TEX14: variants seen among roughly 807,000 people sequenced by gnomAD.
TEX14 encodes the protein inactive serine/threonine-protein kinase TEX14.
TEX14 carries 168 observed loss-of-function variants against 178.6 expected under a neutral mutation model. The observed-to-expected ratio is 0.94, with a 90% CI of 0.83 to 1.07. The LOEUF (loss-of-function observed/expected upper bound fraction) is 1.07, where lower values mean the gene tolerates loss of function less well. TEX14 is among the 50% of genes least tolerant of loss of function. The probability of loss-of-function intolerance (pLI) is 0.00; values close to 1 mark genes in which losing one functional copy is unlikely to be tolerated. For synonymous variants in TEX14, 626 were observed against 634.1 expected (o/e 0.99, Z 0.19); for missense variants, 1,730 against 1,753.6 (o/e 0.99, Z 0.24).
intron 10 of TEX14, among the ~76,000 whole-genome samples, chr17:58,610,893 A>G (rs1293312873): frequency 6.6e-6 from 1 of 152,206 alleles, no homozygotes; most frequent in Non-Finnish European, 1.5e-5. Context: ...CAAAAAAAAA[A>G]AAGCCGCTGA....
chr17:58,684,073 G>T (rs2047550531), intron 1 of TEX14, among the ~76,000 whole-genome samples: 4 of 151,598 alleles, frequency 2.6e-5, no homozygotes. Flanking sequence ...ATATATAAAA[G>T]TATACGATAA....
chr17:58,567,338 C>A (rs1423329567), intron 26 of TEX14, among the ~76,000 whole-genome samples: 1 of 152,136 alleles, frequency 6.6e-6, no homozygotes, highest in Non-Finnish European at 1.5e-5. Context: ...GCATGGTCCT[C>A]TTCTGTGCTG....
intron 1 of TEX14, among the ~76,000 whole-genome samples, chr17:58,678,086 G>A (rs1458090223): frequency 6.6e-6 from 1 of 152,156 alleles, no homozygotes; most frequent in Non-Finnish European, 1.5e-5. Flanking sequence ...GTAGGCAGAG[G>A]TTGCAGTGAG....
At chr17:58,642,010 T>C (rs1269135989) in intron 2 of TEX14, among the ~76,000 whole-genome samples, 1 of 152,238 alleles carries the variant, frequency 6.6e-6, no homozygotes, top group Non-Finnish European at 1.5e-5. Flanking sequence ...TTCAGAAGTC[T>C]AGTCTCCAAT....
chr17:58,659,285 TC>T (rs1341252592), intron 1 of TEX14: 1 of 947,080 alleles, frequency 1.1e-6, no homozygotes, highest in African/African-American at 1.8e-5. Context: ...CAACAGCGTC[TC>T]TCCCCCGCCA....
At chr17:58,628,711 CAA>C (rs551353417) in intron 3 of TEX14, among the ~76,000 whole-genome samples, 13 of 135,486 alleles carry the variant, frequency 9.6e-5, no homozygotes, top group African/African-American at 8.1e-5. Context: ...GACTCTGTCT[CAA>C]AAAAAAAAAA....
chr17:58,585,935 G>A lies in TEX14; in HGVS notation c.2936C>T (p.Thr979Met), dbSNP rs145037399. 1.7e-5 allele frequency: 28 copies of A among 1,613,858 alleles called. No individual in the cohort carries two copies. Among genetic ancestry groups the A allele is most frequent in the African/African-American group, 6.7e-5 (5 of 74,826 alleles). ...ATACTCAATAACTCGCTGCCAATCC[G>A]TGTTTTCTGGGCTCCTAATGGGGGG... ...LQPPIRSPEN[T>M]DWQRVIEYHR... The change falls in exon 18 of 32, where the codon ACG (threonine) becomes ATG (methionine). Residue 979 changes from threonine to methionine, a missense_variant. Physicochemically the swap from Thr to Met is moderately conservative, Grantham distance 81 (BLOSUM62 -1). Around this residue, in one of 2 missense-constraint regions of TEX14, gnomAD observed 941 missense variants for 1,072.4 expected, o/e 0.88. Transcript: ENST00000349033.
chr17:58,611,980 G>A (rs2045755999), intron 9 of TEX14, among the ~76,000 whole-genome samples: 1 of 152,174 alleles, frequency 6.6e-6, no homozygotes, highest in Admixed American at 6.5e-5. Flanking sequence ...GCCCTTCTTG[G>A]GGTCTCCTTA....
chr17:58,581,736 A>C, intron 19 of TEX14: 2 of 1,607,012 alleles, frequency 1.2e-6, no homozygotes. Flanking sequence ...TGATGCTATT[A>C]ATAATGTAGG....
At chr17:58,685,023 A>G (rs2047567072) in intron 1 of TEX14, among the ~76,000 whole-genome samples, 1 of 152,352 alleles carries the variant, frequency 6.6e-6, no homozygotes, top group African/African-American at 2.4e-5. Flanking sequence ...TAAAATTAAA[A>G]ATTAAAAAAG....
At chr17:58,609,944 A>G (rs536954117) in intron 10 of TEX14, among the ~76,000 whole-genome samples, 1 of 152,336 alleles carries the variant, frequency 6.6e-6, no homozygotes, top group South Asian at 2.1e-4. Flanking sequence ...GGTAGGTGGC[A>G]GACAAGGGTA....
intron 11 of TEX14, among the ~76,000 whole-genome samples, chr17:58,603,917 G>C (rs1392517970): frequency 2.7e-5 from 4 of 149,748 alleles, no homozygotes; most frequent in African/African-American, 7.4e-5. Context: ...GTGTGTGTGT[G>C]TGTGTGTGTG....
intron 2 of TEX14, among the ~76,000 whole-genome samples, chr17:58,637,916 C>G (rs995483480): frequency 5.4e-5 from 8 of 148,720 alleles, no homozygotes; most frequent in African/African-American, 2.0e-4. Context: ...GGCTGGAGTG[C>G]AGTGGTGCGA....
intron 2 of TEX14, among the ~76,000 whole-genome samples, chr17:58,637,893 G>C (rs1174302095): frequency 7.5e-6 from 1 of 133,120 alleles, no homozygotes; most frequent in Non-Finnish European, 1.6e-5. Context: ...ATGGAGTCTT[G>C]CTCTGTCACC....
intron 9 of TEX14, 27 bp from the exon 10 acceptor site, chr17:58,611,366 A>AAAAAAG: frequency 8.1e-7 from 1 of 1,240,346 alleles, no homozygotes; most frequent in South Asian, 1.5e-5. Context: ...AAATGCCACG[A>AAAAAAG]AAAAAAAAAG....
intron 8 of TEX14, among the ~76,000 whole-genome samples, chr17:58,614,888 G>A (rs563841600): frequency 2.2e-4 from 34 of 152,334 alleles, no homozygotes; most frequent in African/African-American, 7.9e-4. Flanking sequence ...GCCACATGCC[G>A]TCCTGATGGG....
In TEX14 at chr17:58,569,935, T is replaced by C. The variant is rs954568650; in HGVS notation, c.3817+450A>G. 6.6e-6 allele frequency among the ~76,000 whole-genome samples: 1 copy of C among 152,140 alleles called. No homozygotes were observed. The highest frequency in any genetic ancestry group is 1.5e-5 in the Non-Finnish European group (1 of 68,016). On this transcript the variant is annotated intron_variant, in intron 25 of 31. Transcript: ENST00000349033. This position sits in a 1 kb window ranked among gnomAD's most constrained non-coding sequence, Gnocchi z 4.1. Reference sequence around the variant, plus strand: ...GATCAGAGGTACAGATAAAAATTTATGTATAAAGAGCAAAAATTGGAAAAT... The same window carrying C: ...GATCAGAGGTACAGATAAAAATTTACGTATAAAGAGCAAAAATTGGAAAAT...
chr17:58,575,286 C>G (rs1307853838), intron 21 of TEX14, among the ~76,000 whole-genome samples: 1 of 151,844 alleles, frequency 6.6e-6, no homozygotes, highest in Admixed American at 6.6e-5. Context: ...GGCTAATTTT[C>G]TGTATTTTTA....
intron 2 of TEX14, chr17:58,631,660 C>G (rs980651404): frequency 6.6e-6 from 1 of 151,682 alleles, no homozygotes; most frequent in African/African-American, 2.4e-5. Flanking sequence ...ACTGCCTTCT[C>G]TAGAGAAGAA....
Sources: gnomAD v4.1 joint callset for allele counts (sites outside exome capture counted in the v4.1 genomes callset) on GRCh38, gnomAD v4.1.1 for gene constraint, gnomAD v4.1.1 regional missense constraint, Gnocchi (gnomAD v3.1) non-coding constraint, MANE v1.5 for transcripts, NCBI Gene and HGNC (gene_info 2026-07-23, HGNC 2026-07-21) for gene names.